TRHDE: variants seen among roughly 807,000 people sequenced by gnomAD.
TRHDE encodes the protein thyrotropin releasing hormone degrading enzyme.
In TRHDE, 72 loss-of-function variants were observed where a neutral mutation model predicts 125.7. The observed-to-expected ratio is 0.57, with a 90% CI of 0.47 to 0.70. TRHDE has a LOEUF of 0.70. Among genes scored for constraint, TRHDE ranks in the 30% least tolerant of loss-of-function variants. TRHDE has a pLI of 0.00. For synonymous variants in TRHDE, 509 were observed against 509.1 expected, an observed-to-expected ratio of 1.00 and a Z score of 0.00; for missense variants, 1,110 against 1,327.1, an observed-to-expected ratio of 0.84 and a Z score of 2.54.
At position 72,189,354 on chromosome 12, in the gene TRHDE, C is replaced by T. The variant is rs1204181705; in HGVS notation, n.279+83602C>T. ...GAATGGTGGACATTATGGATAGAGG[C>T]TTTTCTATTCAGAGAAAACACCCTC... On this transcript the variant is annotated intron_variant and non_coding_transcript_variant, in intron 2 of 4. Transcript: ENST00000548156. Among the ~76,000 whole-genome samples, 3 of 152,154 alleles carry T rather than the reference C, an allele frequency of 2.0e-5. No individual in the cohort carries two copies. In the East Asian group the frequency reaches 5.8e-4, roughly 29 times the overall value.
chr12:72,646,773 C>A (rs1874297547), intron 15 of TRHDE, among the ~76,000 whole-genome samples: 1 of 151,910 alleles, frequency 6.6e-6, no homozygotes. Flanking sequence ...TGTCAAACCA[C>A]TAGAAAGATA....
chr12:72,132,241 T>C (rs1234411798), intron 2 of TRHDE, among the ~76,000 whole-genome samples: 3 of 152,108 alleles, frequency 2.0e-5, no homozygotes, highest in Non-Finnish European at 4.4e-5. Flanking sequence ...TGAGGCTAGC[T>C]GGCTGTCTCT....
intron 2 of TRHDE, among the ~76,000 whole-genome samples, chr12:72,165,644 A>G (rs549830333): frequency 6.6e-6 from 1 of 152,060 alleles, no homozygotes; most frequent in Non-Finnish European, 1.5e-5. Flanking sequence ...TGCTTAACTT[A>G]ATATATAATA....
At chr12:72,479,874 C>T (rs1877083774) in intron 5 of TRHDE, among the ~76,000 whole-genome samples, 1 of 147,116 alleles carries the variant, frequency 6.8e-6, no homozygotes, top group Non-Finnish European at 1.5e-5. Flanking sequence ...CATGTGTTCT[C>T]ATTGTTCAAT....
At chr12:72,576,187 TTAATA>T (rs1401920021) in intron 12 of TRHDE, among the ~76,000 whole-genome samples, 11 of 152,118 alleles carry the variant, frequency 7.2e-5, no homozygotes, top group Non-Finnish European at 1.6e-4. Flanking sequence ...CTCAGTCCCT[TTAATA>T]TTTCATACTG....
intron 2 of TRHDE, among the ~76,000 whole-genome samples, chr12:72,225,224 G>T (rs1457634712): frequency 1.6e-4 from 24 of 152,282 alleles, no homozygotes; most frequent in Admixed American, 1.4e-3. Context: ...TGTAGTTAGA[G>T]ATGTAGTCTT....
intron 2 of TRHDE, among the ~76,000 whole-genome samples, chr12:72,289,110 T>C (rs1001269399): frequency 1.3e-5 from 2 of 152,142 alleles, no homozygotes; most frequent in African/African-American, 4.8e-5. Flanking sequence ...ATGACATTTC[T>C]CAACACTTAA....
intron 2 of TRHDE, among the ~76,000 whole-genome samples, chr12:72,351,996 C>T (rs1870602124): frequency 6.6e-6 from 1 of 151,856 alleles, no homozygotes; most frequent in African/African-American, 2.4e-5. Context: ...CTCTGATCTT[C>T]CTGACTAGGT....
intron 6 of TRHDE, among the ~76,000 whole-genome samples, chr12:72,514,546 T>A (rs538381784): frequency 6.6e-6 from 1 of 151,880 alleles, no homozygotes; most frequent in Non-Finnish European, 1.5e-5. Context: ...TCAAGAGTTA[T>A]GCAGGAGACA....
chr12:72,190,625 G>T lies in TRHDE; in HGVS notation n.279+84873G>T, dbSNP rs1200675386. 2.0e-5 allele frequency among the ~76,000 whole-genome samples: 3 copies of T among 152,280 alleles called. No homozygotes were observed. The East Asian group carries it at 5.8e-4, about 29-fold the overall frequency. On this transcript the variant is annotated intron_variant and non_coding_transcript_variant, in intron 2 of 4. Transcript: ENST00000548156. ...AATAATGGGCTCAGAATGTAAAATT[G>T]TTTGTATCCATGTGAATATTTACCA... is the stretch of plus-strand genomic sequence containing the variant.
intron 2 of TRHDE, among the ~76,000 whole-genome samples, chr12:72,360,502 A>G (rs1195162912): frequency 6.6e-6 from 1 of 151,792 alleles, no homozygotes; most frequent in Non-Finnish European, 1.5e-5. Context: ...GCTCAACCTC[A>G]CTATTATCAG....
intron 2 of TRHDE, among the ~76,000 whole-genome samples, chr12:72,192,176 G>C (rs914951357): frequency 1.3e-5 from 2 of 152,056 alleles, no homozygotes; most frequent in Non-Finnish European, 2.9e-5. Context: ...CAGGGTCTGC[G>C]TGAACCTGGA....
In TRHDE at chr12:72,473,193, G is replaced by T; in HGVS notation, c.1584+13G>T. 1.2e-6 allele frequency: 2 copies of T among 1,600,444 alleles called. No homozygotes were observed. Among genetic ancestry groups the T allele is most frequent in the South Asian group, 1.1e-5 (1 of 90,694 alleles). ...TGGCTGGAACATGGTAAGTGCACTT[G>T]AATTATTTGAAACTTTTAGTAAAAG... is the stretch of plus-strand genomic sequence containing the variant. On this transcript the variant is annotated intron_variant, in intron 5 of 18. Coordinates refer to ENST00000261180, the MANE Select transcript of TRHDE (RefSeq NM_013381.3).
intron 2 of TRHDE, among the ~76,000 whole-genome samples, chr12:72,218,190 A>G (rs1455572171): frequency 2.0e-5 from 3 of 152,172 alleles, no homozygotes; most frequent in Non-Finnish European, 2.9e-5. Context: ...ACAATTTTGT[A>G]TAAGTGAGAT....
intron 2 of TRHDE, among the ~76,000 whole-genome samples, chr12:72,126,398 C>G (rs949119224): frequency 1.3e-5 from 2 of 152,042 alleles, no homozygotes; most frequent in Non-Finnish European, 2.9e-5. Context: ...CCCAATTAGC[C>G]AAAGTAATCC....
chr12:72,515,809 G>A (rs890355414), intron 6 of TRHDE, among the ~76,000 whole-genome samples: 36 of 151,852 alleles, frequency 2.4e-4, no homozygotes, highest in African/African-American at 8.7e-4. Context: ...ATCTTGAATT[G>A]ATTTTTGTAT....
chr12:72,291,372 T>C (rs1004517396), intron 2 of TRHDE, among the ~76,000 whole-genome samples: 15 of 152,222 alleles, frequency 9.9e-5, no homozygotes, highest in African/African-American at 3.4e-4. Flanking sequence ...TGGGCACATG[T>C]TACCAGTTCC....
intron 2 of TRHDE, among the ~76,000 whole-genome samples, chr12:72,128,788 G>A (rs1875783654): frequency 6.6e-6 from 1 of 152,130 alleles, no homozygotes; most frequent in African/African-American, 2.4e-5. Flanking sequence ...AGTTGGCTGT[G>A]AGACAACTTC....
At chr12:72,378,709 A>G (rs1299182587) in intron 3 of TRHDE, among the ~76,000 whole-genome samples, 1 of 152,226 alleles carries the variant, frequency 6.6e-6, no homozygotes, top group Admixed American at 6.5e-5. Context: ...TAGTAAATAC[A>G]ATACAAATAA....
Sources: allele counts gnomAD v4.1 joint callset (sites outside exome capture counted in the v4.1 genomes callset), GRCh38; gene constraint gnomAD v4.1.1; transcripts MANE v1.5; gene names NCBI Gene and HGNC (gene_info 2026-07-23, HGNC 2026-07-21).